The following EPN2 variants were observed in gnomAD, a reference collection of about 807,000 sequenced individuals.
The protein encoded by EPN2 is epsin-2.
A neutral mutation model predicts 61.7 loss-of-function variants in EPN2; 34 were observed. The ratio of observed to expected loss-of-function variants is 0.55; its 90% CI spans 0.42 to 0.73. EPN2 has a LOEUF of 0.73. EPN2 is among the 30% of genes least tolerant of loss of function. The pLI, the probability that EPN2 is intolerant of heterozygous loss-of-function variation, is 0.00. For missense variants in EPN2, 714 were observed against 839.2 expected, an observed-to-expected ratio of 0.85 and a Z score of 1.84; for synonymous variants, 349 against 353.6, an observed-to-expected ratio of 0.99 and a Z score of 0.15.
chr17:19,331,467 A>G (rs1300216042), intron 9 of EPN2, among the ~76,000 whole-genome samples: 3 of 152,016 alleles, frequency 2.0e-5, no homozygotes, highest in Non-Finnish European at 4.4e-5. Flanking sequence ...TCTTTTTACT[A>G]TCAAGAAGTT....
At chr17:19,311,961 A>G (rs992531085) in intron 5 of EPN2, 91 bp from the exon 6 acceptor site, 3 of 840,750 alleles carry the variant, frequency 3.6e-6, no homozygotes, top group African/African-American at 3.4e-5. Context: ...ATACTGCATC[A>G]TACAATGTGC....
In EPN2 at chr17:19,272,508, G is replaced by T. The variant is rs373828597; in HGVS notation, c.-293-9447G>T. Among the ~76,000 whole-genome samples, 231 of 152,212 alleles carry T rather than the reference G, an allele frequency of 1.5e-3. 8 individuals are homozygous for T. In the South Asian group the frequency reaches 0.047, roughly 31 times the overall value. Reference sequence around the variant, plus strand: ...CACTGGTCAGAATGGGGGCCTTTGGGACTGAAGGATTTGGGGTGAGCATCT... The same window carrying T: ...CACTGGTCAGAATGGGGGCCTTTGGTACTGAAGGATTTGGGGTGAGCATCT... On this transcript the variant is annotated intron_variant, in intron 1 of 10. Transcript: ENST00000314728.
At chr17:19,325,779 C>CTA (rs2152237819) in intron 7 of EPN2, among the ~76,000 whole-genome samples, 1 of 152,204 alleles carries the variant, frequency 6.6e-6, no homozygotes, top group African/African-American at 2.4e-5. Flanking sequence ...AAAGAAGACA[C>CTA]TAAATAGTCA....
At chr17:19,324,774 T>C (rs775315641) in intron 7 of EPN2, among the ~76,000 whole-genome samples, 1 of 152,196 alleles carries the variant, frequency 6.6e-6, no homozygotes, top group Non-Finnish European at 1.5e-5. Context: ...AAGGAAATTA[T>C]AAGGATAAAG....
intron 4 of EPN2, among the ~76,000 whole-genome samples, chr17:19,304,523 C>T (rs1905727777): frequency 6.6e-6 from 1 of 152,156 alleles, no homozygotes. Context: ...CTGTGTGTGA[C>T]GTGGAGGGTG....
chr17:19,300,942 A>G (rs1756777097), intron 4 of EPN2, among the ~76,000 whole-genome samples: 1 of 152,158 alleles, frequency 6.6e-6, no homozygotes, highest in African/African-American at 2.4e-5. Context: ...GCCTGATAAC[A>G]CAGCCAGGGG....
chr17:19,300,088 C>T (rs1241100169), intron 4 of EPN2, among the ~76,000 whole-genome samples: 1 of 152,202 alleles, frequency 6.6e-6, no homozygotes, highest in Non-Finnish European at 1.5e-5. Context: ...CTAGGTGCCA[C>T]CTAGCTGCCC....
At chr17:19,293,577 G>A (rs1340357126) in intron 4 of EPN2, among the ~76,000 whole-genome samples, 1 of 134,256 alleles carries the variant, frequency 7.4e-6, no homozygotes, top group Non-Finnish European at 1.6e-5. Context: ...GTATTTTGTA[G>A]AGGTGGGGTT....
chr17:19,298,896 CAGTGT>C (rs55650895), intron 4 of EPN2, among the ~76,000 whole-genome samples: 146,049 of 152,142 alleles, frequency 0.96, 70,504 homozygotes, highest in African/African-American at 0.99. Flanking sequence ...AGATTTTCAC[CAGTGT>C]AAATAATGCT....
chr17:19,307,793 TTCTA>T (rs1905923327), intron 4 of EPN2: 1 of 556,676 alleles, frequency 1.8e-6, no homozygotes. Context: ...AGCAGCCTCT[TTCTA>T]CCTCCCCTGG....
At chr17:19,239,402 T>A (rs1372274932) in intron 1 of EPN2, among the ~76,000 whole-genome samples, 2 of 152,234 alleles carry the variant, frequency 1.3e-5, no homozygotes, top group African/African-American at 4.8e-5. Context: ...TCCGCCCACC[T>A]CGGCCTCCCA....
intron 7 of EPN2, among the ~76,000 whole-genome samples, chr17:19,318,331 C>T (rs757412655): frequency 6.6e-6 from 1 of 151,344 alleles, no homozygotes; most frequent in Non-Finnish European, 1.5e-5. Flanking sequence ...GGGCGGATCA[C>T]GAGGTCAAGA....
intron 4 of EPN2, chr17:19,308,459 G>T: frequency 1.1e-5 from 11 of 985,400 alleles, no homozygotes; most frequent in Non-Finnish European, 1.2e-5. Flanking sequence ...GCACCTGTCT[G>T]TGCATGCATG....
chr17:19,266,311 A>G (rs1255869781), intron 1 of EPN2, among the ~76,000 whole-genome samples: 1 of 152,206 alleles, frequency 6.6e-6, no homozygotes, highest in Non-Finnish European at 1.5e-5. Flanking sequence ...CATATGACCC[A>G]GCAGCTTCAC....
chr17:19,261,128 G>A (rs1227340419), intron 1 of EPN2, among the ~76,000 whole-genome samples: 1 of 152,172 alleles, frequency 6.6e-6, no homozygotes, highest in Non-Finnish European at 1.5e-5. Context: ...CAGGCACATT[G>A]CTGAGTCAAA....
At chr17:19,321,205 TG>T (rs1023713115) in intron 7 of EPN2, among the ~76,000 whole-genome samples, 1 of 152,138 alleles carries the variant, frequency 6.6e-6, no homozygotes, top group Non-Finnish European at 1.5e-5. Flanking sequence ...GTTCGAGATG[TG>T]ATGCTGCCCT....
chr17:19,241,231 T>C (rs776335064), intron 1 of EPN2, among the ~76,000 whole-genome samples: 1 of 152,130 alleles, frequency 6.6e-6, no homozygotes, highest in Non-Finnish European at 1.5e-5. Context: ...AAGAGCACAT[T>C]TGTTTTTTGT....
intron 1 of EPN2, among the ~76,000 whole-genome samples, chr17:19,262,007 G>T (rs2045146435): frequency 6.6e-6 from 1 of 152,140 alleles, no homozygotes; most frequent in African/African-American, 2.4e-5. Flanking sequence ...GGCCAACGTG[G>T]TGAAACCCAT....
At chr17:19,247,528 T>C (rs1265052537) in intron 1 of EPN2, among the ~76,000 whole-genome samples, 1 of 152,210 alleles carries the variant, frequency 6.6e-6, no homozygotes, top group Admixed American at 6.5e-5. Context: ...ATTTCGGATC[T>C]CAGGAACAGC....
Sources: allele counts gnomAD v4.1 joint callset (sites outside exome capture counted in the v4.1 genomes callset), GRCh38; gene constraint gnomAD v4.1.1; transcripts MANE v1.5; gene names NCBI Gene and HGNC (gene_info 2026-07-23, HGNC 2026-07-21).